The following TMEM45A variants were observed in gnomAD, a reference collection of about 807,000 sequenced individuals.
The protein encoded by TMEM45A is DNA polymerase-transactivated protein 4.
In TMEM45A, 25 loss-of-function variants were observed where a neutral mutation model predicts 32.0. The observed-to-expected ratio is 0.78, with a 90% confidence interval of 0.57 to 1.09. TMEM45A has a LOEUF of 1.09. Ranked by LOEUF, TMEM45A falls within the 50% of genes least tolerant of loss-of-function variation. The pLI, the probability that TMEM45A is intolerant of heterozygous loss-of-function variation, is 0.00. For synonymous variants in TMEM45A, 122 were observed against 114.8 expected (o/e 1.06, Z -0.40); for missense variants, 302 against 325.0 (o/e 0.93, Z 0.54).
At chr3:100,569,087 G>T in intron 5 of TMEM45A, 120 bp downstream of exon 5, 1 of 1,047,974 alleles carries the variant, frequency 9.5e-7, no homozygotes. Flanking sequence ...CATAAGACAG[G>T]GTAGCATAGC....
intron 1 of TMEM45A, among the ~76,000 whole-genome samples, chr3:100,544,503 A>G (rs1489461646): frequency 6.6e-6 from 1 of 152,118 alleles, no homozygotes; most frequent in Non-Finnish European, 1.5e-5. Context: ...AAAGTTCCCT[A>G]ATGCCCTTTG....
At chr3:100,546,490 T>G (rs1268072937) in intron 1 of TMEM45A, among the ~76,000 whole-genome samples, 2 of 152,270 alleles carry the variant, frequency 1.3e-5, no homozygotes, top group African/African-American at 4.8e-5. Context: ...AACTACAGAA[T>G]GAAAACTTTA....
intron 1 of TMEM45A, among the ~76,000 whole-genome samples, chr3:100,535,202 C>T (rs750427001): frequency 2.0e-5 from 3 of 151,764 alleles, no homozygotes; most frequent in Admixed American, 6.6e-5. Context: ...TTCACTACAA[C>T]GTCCGCTTCC....
At chr3:100,514,857 C>G (rs1708233805) in intron 1 of TMEM45A, among the ~76,000 whole-genome samples, 1 of 148,872 alleles carries the variant, frequency 6.7e-6, no homozygotes, top group African/African-American at 2.5e-5. Context: ...ATTTATGCAG[C>G]CAAAAAACAC....
At chr3:100,528,313 C>A (rs1206542950) in intron 1 of TMEM45A, among the ~76,000 whole-genome samples, 3 of 152,224 alleles carry the variant, frequency 2.0e-5, no homozygotes, top group Non-Finnish European at 4.4e-5. Flanking sequence ...GATCCTTGTT[C>A]TCCCTCAGGG....
chr3:100,495,348 T>A (rs1055554797), intron 1 of TMEM45A, among the ~76,000 whole-genome samples: 1 of 151,972 alleles, frequency 6.6e-6, no homozygotes. Flanking sequence ...AGGGAAGGGA[T>A]TATAGAGGAG....
Position 100,532,134 on chromosome 3 carries a change from T to C in TMEM45A, c.-3-23075T>C, listed in dbSNP as rs2148957432. ...CATAATTTGTCCTGTTAAGGAGTGA[T>C]CTCTGCTCAGAGTACTTGGAGTCAA... On this transcript the variant is annotated intron_variant, in intron 1 of 5. Coordinates refer to ENST00000323523, the MANE Select transcript of TMEM45A (RefSeq NM_018004.3). Among the ~76,000 whole-genome samples the C allele has an allele frequency of 4.6e-5, 7 of 152,346 alleles. 1 individual carries two copies. The South Asian group carries it at 1.4e-3, about 32-fold the overall frequency.
chr3:100,499,726 A>C (rs1707984781), intron 1 of TMEM45A, among the ~76,000 whole-genome samples: 2 of 152,264 alleles, frequency 1.3e-5, no homozygotes, highest in South Asian at 4.1e-4. Flanking sequence ...AAAACACAAA[A>C]ATTAGCTGGG....
At chr3:100,531,540 A>G (rs1272110721) in intron 1 of TMEM45A, among the ~76,000 whole-genome samples, 2 of 152,244 alleles carry the variant, frequency 1.3e-5, no homozygotes, top group African/African-American at 2.4e-5. Context: ...TGGGCTTAAT[A>G]TGCCAAGTCA....
At chr3:100,529,963 C>T (rs781302878) in intron 1 of TMEM45A, among the ~76,000 whole-genome samples, 9 of 152,100 alleles carry the variant, frequency 5.9e-5, no homozygotes, top group African/African-American at 1.4e-4. Flanking sequence ...AACATGTTTA[C>T]GTGTACAGAC....
intron 1 of TMEM45A, among the ~76,000 whole-genome samples, chr3:100,499,764 C>G (rs1291807704): frequency 1.3e-5 from 2 of 152,164 alleles, no homozygotes; most frequent in Non-Finnish European, 2.9e-5. Flanking sequence ...GTAATCCCAG[C>G]TACTTAGGGT....
intron 1 of TMEM45A, among the ~76,000 whole-genome samples, chr3:100,505,743 G>C (rs901208981): frequency 6.6e-6 from 1 of 152,152 alleles, no homozygotes; most frequent in Non-Finnish European, 1.5e-5. Flanking sequence ...ATGAAATAAT[G>C]ATTTTTGAAA....
intron 1 of TMEM45A, among the ~76,000 whole-genome samples, chr3:100,523,804 C>T (rs1705487053): frequency 1.1e-5 from 1 of 87,080 alleles, no homozygotes; most frequent in South Asian, 3.3e-4. Flanking sequence ...TCTCCTTCTC[C>T]TCCTCCTCCT....
At chr3:100,494,876 G>A (rs1181585451) in intron 1 of TMEM45A, among the ~76,000 whole-genome samples, 2 of 152,180 alleles carry the variant, frequency 1.3e-5, no homozygotes, top group African/African-American at 4.8e-5. Flanking sequence ...TTCCTCCTCT[G>A]TGGTGAGTTT....
intron 1 of TMEM45A, among the ~76,000 whole-genome samples, chr3:100,510,982 C>A (rs1708150969): frequency 6.6e-6 from 1 of 152,062 alleles, no homozygotes; most frequent in Non-Finnish European, 1.5e-5. Flanking sequence ...GTGAAAAGAC[C>A]AAATCTACGT....
At chr3:100,544,715 G>A (rs4928112) in intron 1 of TMEM45A, among the ~76,000 whole-genome samples, 55,113 of 151,974 alleles carry the variant, frequency 0.36, 10,757 homozygotes, top group Middle Eastern at 0.48. Context: ...TTATTGTGGA[G>A]ATGTATCATA....
chr3:100,558,673 G>A, intron 4 of TMEM45A, 84 bp downstream of exon 4: 2 of 1,383,892 alleles, frequency 1.4e-6, no homozygotes, highest in South Asian at 2.6e-5. Flanking sequence ...TGCTCCCGGA[G>A]ACTTCCCTCC....
At chr3:100,520,350 A>T (rs1705410847) in intron 1 of TMEM45A, among the ~76,000 whole-genome samples, 1 of 152,082 alleles carries the variant, frequency 6.6e-6, no homozygotes, top group Non-Finnish European at 1.5e-5. Context: ...CCTCTTGTTT[A>T]TTCACTGAGG....
intron 1 of TMEM45A, among the ~76,000 whole-genome samples, chr3:100,521,354 A>G (rs944418201): frequency 2.6e-5 from 4 of 151,922 alleles, no homozygotes; most frequent in African/African-American, 7.3e-5. Context: ...TCCTGGGTTC[A>G]AGTGATTCTC....
Sources: allele counts gnomAD v4.1 joint callset (sites outside exome capture counted in the v4.1 genomes callset), GRCh38; gene constraint gnomAD v4.1.1; transcripts MANE v1.5; gene names NCBI Gene and HGNC (gene_info 2026-07-23, HGNC 2026-07-21).